RBMS3: variants seen among roughly 807,000 people sequenced by gnomAD.
RBMS3 encodes RNA-binding motif, single-stranded-interacting protein 3.
Under a neutral mutation model 66.8 loss-of-function variants are expected in RBMS3, and 27 were observed. The ratio of observed to expected loss-of-function variants is 0.40; its 90% confidence interval spans 0.30 to 0.56. The LOEUF is 0.56. Ranked by LOEUF, RBMS3 falls within the 20% of genes least tolerant of loss-of-function variation. RBMS3 has a pLI of 0.40. For missense variants in RBMS3, 513 were observed against 549.5 expected, an observed-to-expected ratio of 0.93 and a Z score of 0.66; for synonymous variants, 188 against 183.0, an observed-to-expected ratio of 1.03 and a Z score of -0.22.
At chr3:29,866,293 A>T (rs1014242426) in intron 6 of RBMS3, among the ~76,000 whole-genome samples, 1 of 152,140 alleles carries the variant, frequency 6.6e-6, no homozygotes, top group African/African-American at 2.4e-5. Context: ...AGTTGACTCA[A>T]TAAAGCTGTT....
At chr3:29,382,768 T>C (rs1177869102) in intron 1 of RBMS3, among the ~76,000 whole-genome samples, 1 of 151,842 alleles carries the variant, frequency 6.6e-6, no homozygotes, top group East Asian at 1.9e-4. Flanking sequence ...TACCACCGTT[T>C]AAACTAACAA....
chr3:29,281,922 TAAG>T (rs1040410007), intron 1 of RBMS3, among the ~76,000 whole-genome samples, 166 bp downstream of exon 1: 2 of 152,138 alleles, frequency 1.3e-5, no homozygotes, highest in Non-Finnish European at 2.9e-5. Context: ...GAGGAAGACA[TAAG>T]AAGAAAGCAG....
Position 29,625,734 on chromosome 3 carries a change from A to AACTG in RBMS3, c.399+38530_399+38531insCTGA, listed in dbSNP as rs879347592. 8.3e-3 allele frequency among the ~76,000 whole-genome samples: 1,091 copies of AACTG among 131,696 alleles called. 29 individuals carry two copies. Among genetic ancestry groups the AACTG allele is most frequent in the Admixed American group, 0.062 (869 of 14,058 alleles). The allele number at this position is 131,696 out of a possible 152,430, so 86.4% of individuals were successfully genotyped here. A position where few individuals can be genotyped will look rare whatever the true frequency, so the allele number is the denominator to read the frequency against. On this transcript the variant is annotated intron_variant, in intron 4 of 14. Transcript: ENST00000383767. ...TAAATAAATAAATAAATAAATAAAT[A>AACTG]AATAAAAATAATCTTTTCTTGGTGA...
At chr3:29,320,482 T>C (rs2034942938) in intron 1 of RBMS3, among the ~76,000 whole-genome samples, 1 of 152,092 alleles carries the variant, frequency 6.6e-6, no homozygotes, top group Non-Finnish European at 1.5e-5. Context: ...CTATGGCATA[T>C]TAATGGAGAA....
At chr3:29,765,078 G>C (rs1280992092) in intron 6 of RBMS3, among the ~76,000 whole-genome samples, 1 of 151,946 alleles carries the variant, frequency 6.6e-6, no homozygotes, top group African/African-American at 2.4e-5. Context: ...GTTGAATAAA[G>C]GCTTCAAATG....
At chr3:29,390,863 AT>A (rs2039259465) in intron 1 of RBMS3, 1 of 161,420 alleles carries the variant, frequency 6.2e-6, no homozygotes, top group Non-Finnish European at 1.4e-5. Flanking sequence ...CAAGGAAGGC[AT>A]TGCTGCTGGA....
intron 10 of RBMS3, among the ~76,000 whole-genome samples, chr3:29,924,327 ATATC>A (rs1167194527): frequency 6.6e-6 from 1 of 152,154 alleles, no homozygotes; most frequent in East Asian, 1.9e-4. Flanking sequence ...TCACAAATCT[ATATC>A]TAGCAGCAAA....
intron 3 of RBMS3, among the ~76,000 whole-genome samples, chr3:29,538,589 T>C (rs1194623679): frequency 1.3e-5 from 2 of 152,236 alleles, no homozygotes; most frequent in Non-Finnish European, 2.9e-5. Context: ...GAGTTTGAAT[T>C]TGTCTGGTGC....
chr3:29,891,214 TTGATTG>T (rs2059994452), intron 8 of RBMS3, among the ~76,000 whole-genome samples: 1 of 151,638 alleles, frequency 6.6e-6, no homozygotes, highest in African/African-American at 2.4e-5. Flanking sequence ...CGAAGTTAGC[TTGATTG>T]TTAGCTAAGG....
intron 6 of RBMS3, among the ~76,000 whole-genome samples, chr3:29,837,105 T>C (rs2058529204): frequency 6.6e-6 from 1 of 152,064 alleles, no homozygotes; most frequent in South Asian, 2.1e-4. Flanking sequence ...ATAACAGTGT[T>C]ACATGGGGTC....
chr3:29,771,699 C>T (rs1234692373), intron 6 of RBMS3, among the ~76,000 whole-genome samples: 2 of 151,908 alleles, frequency 1.3e-5, no homozygotes, highest in African/African-American at 2.4e-5. Context: ...TTAGTTGGCT[C>T]CTGGTTCCAC....
chr3:29,441,157 A>T (rs578061772), intron 2 of RBMS3, among the ~76,000 whole-genome samples: 1 of 152,290 alleles, frequency 6.6e-6, no homozygotes, highest in East Asian at 1.9e-4. Flanking sequence ...TGAATACTGG[A>T]ATCTTTAAAC....
intron 6 of RBMS3, among the ~76,000 whole-genome samples, chr3:29,798,290 A>AGAAGGGAAGGGAAGGGAAGGGAGGG (rs2057269953): frequency 4.3e-4 from 35 of 80,618 alleles, no homozygotes; most frequent in African/African-American, 2.0e-3. Context: ...GGAAGGGAAG[A>AGAAGGGAAGGGAAGGGAAGGGAGGG]GAAGGGAAGG....
chr3:29,435,754 T>TCTGGCTAACACGGTGAAACCCCATC (rs565556941), intron 2 of RBMS3, among the ~76,000 whole-genome samples: 104 of 152,122 alleles, frequency 6.8e-4, no homozygotes, highest in African/African-American at 2.3e-3. Flanking sequence ...ACTAACACGG[T>TCTGGCTAACACGGTGAAACCCCATC]CTGGCTAACA....
intron 5 of RBMS3, among the ~76,000 whole-genome samples, chr3:29,747,741 T>C (rs1354439447): frequency 1.3e-5 from 2 of 152,066 alleles, no homozygotes; most frequent in African/African-American, 2.4e-5. Context: ...TAGCCCTAGG[T>C]AGTATTGGAA....
intron 12 of RBMS3, among the ~76,000 whole-genome samples, chr3:29,951,542 A>G (rs1371507787): frequency 6.6e-6 from 1 of 151,712 alleles, no homozygotes; most frequent in Non-Finnish European, 1.5e-5. Flanking sequence ...GATATGTCCA[A>G]AGTACCTAGT....
intron 1 of RBMS3, among the ~76,000 whole-genome samples, chr3:29,434,057 T>A (rs943210417): frequency 2.0e-5 from 3 of 152,164 alleles, no homozygotes; most frequent in Non-Finnish European, 4.4e-5. Context: ...CCTGTCCAGA[T>A]GGTTTATAGT....
intron 1 of RBMS3, among the ~76,000 whole-genome samples, chr3:29,393,661 C>T (rs1029832755): frequency 2.7e-5 from 4 of 147,152 alleles, no homozygotes; most frequent in East Asian, 2.4e-4. Flanking sequence ...AGTATTTCAA[C>T]GTAGGTTCTT....
At chr3:29,363,107 A>G (rs2037698010) in intron 1 of RBMS3, among the ~76,000 whole-genome samples, 1 of 152,222 alleles carries the variant, frequency 6.6e-6, no homozygotes, top group African/African-American at 2.4e-5. Flanking sequence ...TGCTCACCTC[A>G]AGGCCTTTTT....
Sources: allele counts gnomAD v4.1 joint callset (sites outside exome capture counted in the v4.1 genomes callset), GRCh38; gene constraint gnomAD v4.1.1; transcripts MANE v1.5; gene names NCBI Gene and HGNC (gene_info 2026-07-23, HGNC 2026-07-21).